Variants in ZNF584 observed in about 807,000 individuals in gnomAD.
ZNF584 encodes the protein zinc finger protein 584.
In ZNF584, 12 loss-of-function variants were observed where a neutral mutation model predicts 14.7. That is an observed-to-expected ratio of 0.82 (90% confidence interval 0.52 to 1.32). The LOEUF is 1.32. Among genes scored for constraint, ZNF584 ranks in the 40% most tolerant of loss-of-function variants. The pLI, the probability that ZNF584 is intolerant of heterozygous loss-of-function variation, is 0.00. For synonymous variants in ZNF584, 204 were observed against 190.9 expected, an observed-to-expected ratio of 1.07 and a Z score of -0.57; for missense variants, 478 against 518.8, an observed-to-expected ratio of 0.92 and a Z score of 0.76.
rs2052670362 is a variant in ZNF584 at position 58,418,116 on chromosome 19, T to G, written c.*332T>G. ...ATAGTGGAGCCCAAAACAGGCCTCA[T>G]TCCCTACCCTTGACTGGTTTAGCTG... On this transcript the variant is annotated 3_prime_UTR_variant, in exon 4 of 4. Coordinates refer to ENST00000306910, the MANE Select transcript of ZNF584 (RefSeq NM_173548.3). 1.7e-4 allele frequency: 45 copies of G among 258,080 alleles called. No homozygotes were observed. The highest frequency in any genetic ancestry group is 4.0e-4 in the East Asian group (5 of 12,448). 16.0% of individuals were successfully genotyped at this position (258,080 alleles called of 1,614,324 possible).
intron 2 of ZNF584, among the ~76,000 whole-genome samples, chr19:58,414,361 C>T (rs995537354): frequency 1.2e-4 from 18 of 151,326 alleles, no homozygotes; most frequent in African/African-American, 4.4e-4. Flanking sequence ...TATTTTGAGA[C>T]AGAGTCTTGC....
At chr19:58,412,125 C>T (rs1400912044) in intron 2 of ZNF584, among the ~76,000 whole-genome samples, 2 of 150,542 alleles carry the variant, frequency 1.3e-5, no homozygotes, top group African/African-American at 4.9e-5. Flanking sequence ...GGGTTACAGG[C>T]ATGCACCACT....
rs749354089 is a variant in ZNF584, at chr19:58,409,939, A to G, written c.19-2A>G. ...TTTTTTCTGCCCATCATTGACCCCA[A>G]GGCTCAGTTGGACCCATCATTGCAG... On this transcript the variant is annotated splice_acceptor_variant, in intron 1 of 3. Coordinates refer to ENST00000306910, the MANE Select transcript of ZNF584 (RefSeq NM_173548.3). LOFTEE classifies it high-confidence loss of function. The G allele has an allele frequency of 1.2e-6, 2 of 1,614,054 alleles. No homozygotes were observed. The highest frequency in any genetic ancestry group is 1.7e-6 in the Non-Finnish European group (2 of 1,180,012).
intron 2 of ZNF584, among the ~76,000 whole-genome samples, chr19:58,414,987 G>C (rs1361818608): frequency 6.6e-6 from 1 of 151,940 alleles, no homozygotes; most frequent in Non-Finnish European, 1.5e-5. Flanking sequence ...CTGCCTCCCA[G>C]GTTCATGCCA....
chr19:58,402,222 T>A (rs1168624189), intron 1 of ZNF584, among the ~76,000 whole-genome samples: 1 of 152,010 alleles, frequency 6.6e-6, no homozygotes, highest in Non-Finnish European at 1.5e-5. Context: ...TCGCACTGGC[T>A]CCCCTGGGGC....
chr19:58,411,070 G>T (rs1048502720), intron 2 of ZNF584, among the ~76,000 whole-genome samples: 1 of 151,532 alleles, frequency 6.6e-6, no homozygotes, highest in African/African-American at 2.4e-5. Context: ...GATTACAGGC[G>T]TGAGCCACTG....
rs927970059 is a variant in ZNF584 at position 58,418,065 on chromosome 19, T to G, written c.*281T>G. Reference sequence around the variant, plus strand: ...AGTGGGACAGCAGACCTTGTGCTCCTTGCTCTAAACAGTAGAGAATCGTTA... The same window carrying G: ...AGTGGGACAGCAGACCTTGTGCTCCGTGCTCTAAACAGTAGAGAATCGTTA... On this transcript the variant is annotated 3_prime_UTR_variant, in exon 4 of 4. Coordinates refer to ENST00000306910, the MANE Select transcript of ZNF584 (RefSeq NM_173548.3). 1 of 443,068 alleles carries G rather than the reference T, an allele frequency of 2.3e-6. No individual in the cohort carries two copies. Among genetic ancestry groups the G allele is most frequent in the Non-Finnish European group, 4.1e-6 (1 of 245,086 alleles). The allele number at this position is 443,068 out of a possible 1,614,324, so 27.4% of individuals were successfully genotyped here.
At chr19:58,405,079 G>C, upstream of ZNF584, 1 of 146,164 alleles carries the variant, frequency 6.8e-6, no homozygotes, top group South Asian at 2.1e-4. Context: ...GGGGCGGCTG[G>C]CCGGGCAGAG....
intron 1 of ZNF584, among the ~76,000 whole-genome samples, chr19:58,402,026 G>A (rs1362632550): frequency 6.6e-6 from 1 of 151,258 alleles, no homozygotes; most frequent in Non-Finnish European, 1.5e-5. Context: ...CCGAAATCGC[G>A]CCACTGCACT....
intron 1 of ZNF584, among the ~76,000 whole-genome samples, chr19:58,401,905 GA>G (rs1303230229): frequency 5.1e-5 from 5 of 98,392 alleles, no homozygotes; most frequent in Non-Finnish European, 8.6e-5. Context: ...AAAAAAAAAA[GA>G]TTTTTTTTTT....
In ZNF584 at chr19:58,417,993, TATCCACCGCC is replaced by T; in HGVS notation, c.*217_*226del. ...GTTGGCAGTGTCACATCACTGAGTT[TATCCACCGCC>T]ATCCACCTCTATCCACCCCATAAGG... On this transcript the variant is annotated 3_prime_UTR_variant, in exon 4 of 4. Coordinates refer to ENST00000306910, the MANE Select transcript of ZNF584 (RefSeq NM_173548.3). 1.6e-6 allele frequency: 1 copy of T among 606,244 alleles called. No homozygotes were observed. The highest frequency in any genetic ancestry group is 2.8e-6 in the Non-Finnish European group (1 of 351,042). 37.6% of individuals were successfully genotyped at this position (606,244 alleles called of 1,614,324 possible). A position where few individuals can be genotyped will look rare whatever the true frequency, so the allele number is the denominator to read the frequency against.
chr19:58,407,537 G>A (rs779496618), upstream of ZNF584, among the ~76,000 whole-genome samples: 9 of 152,308 alleles, frequency 5.9e-5, no homozygotes, highest in Non-Finnish European at 8.8e-5. Context: ...TGTTAGAGGA[G>A]GTGGCATGAT....
chr19:58,406,837 G>A (rs143241788), upstream of ZNF584: 1 of 152,448 alleles, frequency 6.6e-6, no homozygotes, highest in African/African-American at 2.4e-5. Context: ...ACAGTCCAGG[G>A]GTACTGATGA....
In ZNF584 at chr19:58,409,942, C is replaced by T. The variant is rs555720566; in HGVS notation, c.20C>T (p.Ala7Val). The T allele has an allele frequency of 4.3e-6, 7 of 1,614,018 alleles. No homozygotes were observed. In the East Asian group the frequency reaches 1.3e-4, roughly 31 times the overall value. Residue 7 changes from alanine to valine, a missense_variant and splice_region_variant, in exon 2 of 4, where the codon GCT (alanine) becomes GTT (valine). Ala to Val is a moderately conservative substitution (Grantham distance 64). Coordinates refer to ENST00000306910, the MANE Select transcript of ZNF584 (RefSeq NM_173548.3). MAGEAE[A>V]QLDPSLQGLV... is the part of the protein sequence containing the mutation. ...TTTCTGCCCATCATTGACCCCAAGG[C>T]TCAGTTGGACCCATCATTGCAGGGC...
intron 2 of ZNF584, among the ~76,000 whole-genome samples, chr19:58,413,379 C>A (rs1200585916): frequency 6.6e-6 from 1 of 151,104 alleles, no homozygotes; most frequent in Admixed American, 6.6e-5. Context: ...GAGATGGAGT[C>A]CTGTTGCCCA....
At position 58,408,947 on chromosome 19, in the gene ZNF584, C is replaced by T; in HGVS notation, c.-201C>T. On this transcript the variant is annotated 5_prime_UTR_variant, in exon 1 of 4. Transcript: ENST00000306910. ...CTTCCTCAGACTTATCGCTCGCGGA[C>T]AGGCGCCGTGGGTCTCCCGGGCCTC... is the stretch of plus-strand genomic sequence containing the variant. The T allele has an allele frequency of 1.9e-6, 1 of 533,708 alleles. No individual in the cohort carries two copies. The highest frequency in any genetic ancestry group is 3.1e-6 in the Non-Finnish European group (1 of 321,134). The allele number at this position is 533,708 out of a possible 1,614,324, so 33.1% of individuals were successfully genotyped here.
chr19:58,415,909 G>C, intron 3 of ZNF584: 1 of 1,598,976 alleles, frequency 6.3e-7, no homozygotes, highest in Non-Finnish European at 8.5e-7. Context: ...GACTCAGTGC[G>C]TGTCTTGAAA....
In ZNF584 at chr19:58,408,809, A is replaced by G. The variant is rs2052501042; in HGVS notation, c.-339A>G. On this transcript the variant is annotated 5_prime_UTR_variant, in exon 1 of 4. Transcript: ENST00000306910. ...GGCGGGAAGGCTGTCCCGGCGCCTC[A>G]GGCAGCTCTGCGTGGGCCGGGGTGA... 2 of 264,726 alleles carry G rather than the reference A, an allele frequency of 7.6e-6. No homozygotes were observed. Among genetic ancestry groups the G allele is most frequent in the Non-Finnish European group, 1.4e-5 (2 of 138,282 alleles). The allele number at this position is 264,726 out of a possible 1,614,324, so 16.4% of individuals were successfully genotyped here.
chr19:58,406,352 GGGGGAGGGGGA>G (rs1568580966), upstream of ZNF584: 2 of 61,574 alleles, frequency 3.2e-5, no homozygotes, highest in Admixed American at 1.3e-4. Flanking sequence ...AGCGGGGGGG[GGGGGAGGGGGA>G]GGGGGAGGAG....
Sources: allele counts gnomAD v4.1 joint callset (sites outside exome capture counted in the v4.1 genomes callset), GRCh38; gene constraint gnomAD v4.1.1; transcripts MANE v1.5; gene names NCBI Gene and HGNC (gene_info 2026-07-23, HGNC 2026-07-21).